The following PLCG2 variants were observed in gnomAD, a reference collection of about 807,000 sequenced individuals.
The protein encoded by PLCG2 is phospholipase C gamma 2.
In PLCG2, 69 loss-of-function variants were observed where a neutral mutation model predicts 175.6. That is an observed-to-expected ratio of 0.39 (90% CI 0.32 to 0.48). The LOEUF (loss-of-function observed/expected upper bound fraction) is 0.48, where lower values mean the gene tolerates loss of function less well. Among genes scored for constraint, PLCG2 ranks in the 20% least tolerant of loss-of-function variants. The pLI, the probability that PLCG2 is intolerant of heterozygous loss-of-function variation, is 0.91. For synonymous variants in PLCG2, 827 were observed against 624.0 expected, an observed-to-expected ratio of 1.33 and a Z score of -4.85; for missense variants, 1,798 against 1,650.9, an observed-to-expected ratio of 1.09 and a Z score of -1.54.
chr16:81,820,070 T>A (rs1904726938), intron 2 of PLCG2, among the ~76,000 whole-genome samples: 2 of 152,234 alleles, frequency 1.3e-5, no homozygotes, highest in South Asian at 4.1e-4. Flanking sequence ...ATGTCCTATT[T>A]CATCTTTAAG....
At chr16:81,782,528 T>G (rs1910785577) in intron 1 of PLCG2, among the ~76,000 whole-genome samples, 1 of 152,228 alleles carries the variant, frequency 6.6e-6, no homozygotes, top group Non-Finnish European at 1.5e-5. Flanking sequence ...AGACCTGAGC[T>G]GGGTGCTGGC....
chr16:81,849,096 G>A (rs545065394), intron 2 of PLCG2, among the ~76,000 whole-genome samples: 249 of 152,296 alleles, frequency 1.6e-3, no homozygotes, highest in African/African-American at 5.8e-3. Flanking sequence ...CTTAGGCCAC[G>A]TGGGGTTGGA....
chr16:81,841,251 T>TATTG (rs1292502092), intron 2 of PLCG2, among the ~76,000 whole-genome samples: 1 of 130,584 alleles, frequency 7.7e-6, no homozygotes, highest in African/African-American at 2.8e-5. Flanking sequence ...TTTATTTATT[T>TATTG]ATTGAGATAG....
At chr16:81,795,869 C>G (rs1173256429) in intron 2 of PLCG2, among the ~76,000 whole-genome samples, 3 of 152,348 alleles carry the variant, frequency 2.0e-5, no homozygotes, top group Middle Eastern at 6.8e-3. Flanking sequence ...CCGGCCCCCT[C>G]CCACCTTCTA....
At chr16:81,785,496 ATTTTTTT>A (rs10555890) in intron 1 of PLCG2, among the ~76,000 whole-genome samples, 1 of 147,450 alleles carries the variant, frequency 6.8e-6, no homozygotes, top group African/African-American at 2.5e-5. Context: ...CGTTTATTTC[ATTTTTTT>A]TTTTTTTTTG....
intron 2 of PLCG2, among the ~76,000 whole-genome samples, chr16:81,789,527 G>A (rs868533145): frequency 3.1e-4 from 47 of 152,300 alleles, no homozygotes; most frequent in Middle Eastern, 3.4e-3. Context: ...GGCCTCAAGT[G>A]ATCCTCCCAC....
chr16:81,787,689 C>T (rs1911043624), intron 2 of PLCG2, among the ~76,000 whole-genome samples: 1 of 151,988 alleles, frequency 6.6e-6, no homozygotes, highest in South Asian at 2.1e-4. Flanking sequence ...ACCTTTATAT[C>T]ACCTCAAGAT....
chr16:81,946,763 C>G (rs142216358), intron 31 of PLCG2, among the ~76,000 whole-genome samples: 1 of 152,154 alleles, frequency 6.6e-6, no homozygotes, highest in African/African-American at 2.4e-5. Flanking sequence ...TCCTCCTTTA[C>G]GCCAGAATTC....
chr16:81,819,386 A>T (rs4429292), intron 2 of PLCG2, among the ~76,000 whole-genome samples: 94,065 of 151,248 alleles, frequency 0.62, 30,200 homozygotes, highest in East Asian at 0.91. Flanking sequence ...GAGGCGAGGG[A>T]GCTCCTGCGA....
At chr16:81,753,348 T>G (rs1315079580) in intron 1 of PLCG2, among the ~76,000 whole-genome samples, 2 of 150,546 alleles carry the variant, frequency 1.3e-5, no homozygotes, top group Non-Finnish European at 3.0e-5. Context: ...GCAGGTTTTT[T>G]TTTTTTTTTT....
At chr16:81,951,984 A>G (rs900461600) in intron 31 of PLCG2, among the ~76,000 whole-genome samples, 1 of 152,160 alleles carries the variant, frequency 6.6e-6, no homozygotes, top group Non-Finnish European at 1.5e-5. Context: ...TCTTGTATTT[A>G]TTGAACGTAA....
At chr16:81,911,090 C>A (rs1339021265) in intron 18 of PLCG2, among the ~76,000 whole-genome samples, 1 of 152,058 alleles carries the variant, frequency 6.6e-6, no homozygotes, top group African/African-American at 2.4e-5. Context: ...GAGTCTCCCG[C>A]TGATTTTTTT....
chr16:81,890,122 C>G (rs1446339388), intron 10 of PLCG2, among the ~76,000 whole-genome samples: 1 of 152,084 alleles, frequency 6.6e-6, no homozygotes, highest in African/African-American at 2.4e-5. Context: ...AAAGACGTCT[C>G]AAAAGGCCAA....
chr16:81,811,153 G>A (rs1207825307), intron 2 of PLCG2, among the ~76,000 whole-genome samples: 2 of 152,162 alleles, frequency 1.3e-5, no homozygotes, highest in African/African-American at 4.8e-5. Flanking sequence ...TGTTGGGGTT[G>A]AACAAGCCTG....
At chr16:81,825,233 T>C (rs1904995317) in intron 2 of PLCG2, among the ~76,000 whole-genome samples, 1 of 152,198 alleles carries the variant, frequency 6.6e-6, no homozygotes, top group Admixed American at 6.5e-5. Flanking sequence ...AGTGTGTTTT[T>C]TTCCTATTAC....
intron 2 of PLCG2, among the ~76,000 whole-genome samples, chr16:81,834,022 C>T (rs1004128235): frequency 6.6e-6 from 1 of 152,190 alleles, no homozygotes; most frequent in African/African-American, 2.4e-5. Flanking sequence ...GCTGCTGGAA[C>T]GTGGGAATGG....
Position 81,895,829 on chromosome 16 carries a change from T to C in PLCG2, c.1095T>C (p.Asp365=). The change falls in exon 13 of 33, where the codon GAT becomes GAC. Residue 365 remains aspartate (D), a synonymous_variant. Transcript: ENST00000564138. ...TAGTGGACTGCTGGGACGGGCCCGA[T>C]GGGAAGCCGGTCATCTACCATGGCT... ...CIELDCWDGP[D]GKPVIYHGWT... The C allele has an allele frequency of 6.2e-7, 1 of 1,614,054 alleles. No homozygotes were observed. The highest frequency in any genetic ancestry group is 8.5e-7 in the Non-Finnish European group (1 of 1,179,992).
chr16:81,891,169 CAAAG>C (rs892696177), intron 10 of PLCG2, among the ~76,000 whole-genome samples: 5 of 152,052 alleles, frequency 3.3e-5, no homozygotes, highest in Admixed American at 6.5e-5. Context: ...TGTGAAAAAA[CAAAG>C]AAAGAAAAAC....
chr16:81,856,259 C>T (rs553656501), intron 3 of PLCG2, among the ~76,000 whole-genome samples: 3 of 152,256 alleles, frequency 2.0e-5, no homozygotes, highest in Non-Finnish European at 4.4e-5. Context: ...GTACCTGGTG[C>T]TTAAGGAGAG....
Sources: allele counts gnomAD v4.1 joint callset (sites outside exome capture counted in the v4.1 genomes callset), GRCh38; gene constraint gnomAD v4.1.1; transcripts MANE v1.5; gene names NCBI Gene and HGNC (gene_info 2026-07-23, HGNC 2026-07-21).